The following NCOR1 variants were observed in gnomAD, a reference collection of about 807,000 sequenced individuals.
NCOR1 encodes nuclear receptor corepressor 1.
Under a neutral mutation model 288.1 loss-of-function variants are expected in NCOR1, and 63 were observed. That is an observed-to-expected ratio of 0.22 (90% CI 0.18 to 0.27). NCOR1 has a LOEUF of 0.27. Among genes scored for constraint, NCOR1 ranks in the 10% least tolerant of loss-of-function variants. The pLI, the probability that NCOR1 is intolerant of heterozygous loss-of-function variation, is 1.00. For missense variants in NCOR1, 2,397 were observed against 3,019.2 expected (o/e 0.79, Z 4.83); for synonymous variants, 1,007 against 1,065.9 (o/e 0.94, Z 1.08).
chr17:16,063,528 A>G (rs910044357), intron 35 of NCOR1, among the ~76,000 whole-genome samples: 18 of 152,120 alleles, frequency 1.2e-4, no homozygotes. Context: ...TGGAATTACT[A>G]GACAAAAGAG....
chr17:16,049,215 G>T, intron 40 of NCOR1: 1 of 311,342 alleles, frequency 3.2e-6, no homozygotes, highest in Non-Finnish European at 5.9e-6. Flanking sequence ...CGCGCCCCGT[G>T]GATCCAGGAG....
intron 12 of NCOR1, among the ~76,000 whole-genome samples, 155 bp from the exon 13 acceptor site, chr17:16,138,367 T>C (rs2076726755): frequency 2.0e-5 from 3 of 151,930 alleles, no homozygotes; most frequent in Non-Finnish European, 4.4e-5. Flanking sequence ...GGTGGATCAC[T>C]TGAGGTCAGG....
chr17:16,174,228 C>T (rs2083656361), intron 3 of NCOR1, among the ~76,000 whole-genome samples: 1 of 152,144 alleles, frequency 6.6e-6, no homozygotes, highest in Non-Finnish European at 1.5e-5. Flanking sequence ...CAAAGGATTA[C>T]AAACAGCCAA....
intron 2 of NCOR1, among the ~76,000 whole-genome samples, chr17:16,188,852 C>A (rs1303647803): frequency 6.6e-6 from 1 of 151,742 alleles, no homozygotes; most frequent in African/African-American, 2.4e-5. Flanking sequence ...TGGTGAAACC[C>A]CATCTCTACT....
intron 40 of NCOR1, among the ~76,000 whole-genome samples, chr17:16,051,063 C>T (rs767951239): frequency 6.6e-5 from 10 of 152,042 alleles, no homozygotes; most frequent in Non-Finnish European, 1.3e-4. Context: ...GGTCTTGAAC[C>T]GCTGGCCTCA....
intron 1 of NCOR1, among the ~76,000 whole-genome samples, chr17:16,194,891 A>C (rs185731466): frequency 1.3e-5 from 2 of 152,380 alleles, no homozygotes; most frequent in African/African-American, 4.8e-5. Flanking sequence ...TAAAAACAGC[A>C]TAAGATCTGG....
chr17:16,144,928 C>T lies in NCOR1; in HGVS notation c.1083-1232G>A, dbSNP rs191123076. Reference sequence around the variant, plus strand: ...GTCTCCCCTCTCCCTCTCCCTCTCTCCTTCTCCCGCTTTCCACCGTCTCCC... The same window carrying T: ...GTCTCCCCTCTCCCTCTCCCTCTCTTCTTCTCCCGCTTTCCACCGTCTCCC... On this transcript the variant is annotated intron_variant, in intron 10 of 45. Transcript: ENST00000268712. 4.2e-3 allele frequency among the ~76,000 whole-genome samples: 635 copies of T among 151,968 alleles called. 8 individuals are homozygous for T. The highest frequency in any genetic ancestry group is 0.015 in the African/African-American group (604 of 41,424).
At chr17:16,158,450 C>T (rs2080179944) in intron 6 of NCOR1, among the ~76,000 whole-genome samples, 1 of 152,150 alleles carries the variant, frequency 6.6e-6, no homozygotes, top group Admixed American at 6.5e-5. Flanking sequence ...GTATTATATG[C>T]TACCAAGCTT....
In NCOR1 at chr17:16,186,702, A is replaced by G; in HGVS notation, c.109-15T>C. ...ACTGCGAACTCCTAGTATTAAAATA[A>G]TCATAAATCAATTATTAACCAAAAA... On this transcript the variant is annotated splice_polypyrimidine_tract_variant and intron_variant, in intron 2 of 45. Transcript: ENST00000268712. 6.2e-7 allele frequency: 1 copy of G among 1,606,962 alleles called. No homozygotes were observed.
intron 25 of NCOR1, 67 bp downstream of exon 25, chr17:16,080,341 A>T: frequency 7.9e-7 from 1 of 1,273,068 alleles, no homozygotes; most frequent in Non-Finnish European, 1.1e-6. Flanking sequence ...AAAATATATT[A>T]ATAACTTACT....
intron 18 of NCOR1, among the ~76,000 whole-genome samples, chr17:16,113,204 C>T (rs1172972225): frequency 5.3e-5 from 8 of 151,580 alleles, no homozygotes; most frequent in African/African-American, 1.7e-4. Flanking sequence ...CATAAGCCAC[C>T]GCGCCTGGCC....
intron 1 of NCOR1, among the ~76,000 whole-genome samples, chr17:16,208,035 CTTTTTT>C (rs71150278): frequency 8.3e-5 from 6 of 72,570 alleles, no homozygotes; most frequent in Admixed American, 2.1e-4. Context: ...ATATTTCTTT[CTTTTTT>C]TTTTTTTTTT....
chr17:16,031,619 G>C lies in NCOR1; in HGVS notation c.*677C>G, dbSNP rs1418801518. On this transcript the variant is annotated 3_prime_UTR_variant, in exon 46 of 46. Transcript: ENST00000268712. ...CTACTAATGAAAAAAAAAAATTAAAGCCTGCACTGGAAATTTACAATATGG... is the reference window on the plus strand; with the variant it reads ...CTACTAATGAAAAAAAAAAATTAAACCCTGCACTGGAAATTTACAATATGG... The C allele has an allele frequency of 2.2e-5, 5 of 223,844 alleles. No homozygotes were observed. Among genetic ancestry groups the C allele is most frequent in the Admixed American group, 5.7e-5 (1 of 17,444 alleles). 13.9% of individuals were successfully genotyped at this position (223,844 alleles called of 1,614,324 possible). A position where few individuals can be genotyped will look rare whatever the true frequency, so the allele number is the denominator to read the frequency against.
chr17:16,034,355 G>A (rs1411756052), intron 45 of NCOR1, among the ~76,000 whole-genome samples: 1 of 152,144 alleles, frequency 6.6e-6, no homozygotes, highest in Non-Finnish European at 1.5e-5. Context: ...CACTTTGTGA[G>A]GCCAAGGCAG....
At chr17:16,161,828 AT>A (rs1413260814) in intron 5 of NCOR1, among the ~76,000 whole-genome samples, 1 of 152,102 alleles carries the variant, frequency 6.6e-6, no homozygotes, top group Non-Finnish European at 1.5e-5. Flanking sequence ...CATACATTAT[AT>A]TTCATTATTT....
chr17:16,073,610 T>C lies in NCOR1; in HGVS notation c.3671-41A>G, dbSNP rs201596454. 4.0e-4 allele frequency: 603 copies of C among 1,521,684 alleles called. 2 individuals are homozygous for C. The highest frequency in any genetic ancestry group is 4.8e-4 in the Non-Finnish European group (549 of 1,137,174). The allele number at this position is 1,521,684 out of a possible 1,614,324, so 94.3% of individuals were successfully genotyped here. On this transcript the variant is annotated intron_variant, in intron 27 of 45. Coordinates refer to ENST00000268712, the MANE Select transcript of NCOR1 (RefSeq NM_006311.4). ...ACAAGACTTGCTCAGACGGAGCACA[T>C]GGTATACAATGTACAGTAAATAGGT...
At chr17:16,211,834 A>C (rs990916632) in intron 1 of NCOR1, among the ~76,000 whole-genome samples, 4 of 152,206 alleles carry the variant, frequency 2.6e-5, no homozygotes, top group African/African-American at 4.8e-5. Context: ...GATGCTCCAC[A>C]TACGGTTATT....
intron 44 of NCOR1, among the ~76,000 whole-genome samples, chr17:16,035,929 C>T (rs2056264320): frequency 6.6e-6 from 1 of 152,140 alleles, no homozygotes; most frequent in South Asian, 2.1e-4. Flanking sequence ...CTGGAATCAT[C>T]TTTTTCCAAA....
At chr17:16,047,129 T>C in intron 41 of NCOR1, 36 bp from the exon 42 acceptor site, 2 of 1,581,542 alleles carry the variant, frequency 1.3e-6, no homozygotes, top group Non-Finnish European at 1.7e-6. Flanking sequence ...TACAACCACG[T>C]ACTCCTAATC....
Sources: allele counts gnomAD v4.1 joint callset (sites outside exome capture counted in the v4.1 genomes callset), GRCh38; gene constraint gnomAD v4.1.1; transcripts MANE v1.5; gene names NCBI Gene and HGNC (gene_info 2026-07-23, HGNC 2026-07-21).